Variants in C16orf96 observed in about 807,000 individuals in gnomAD.
C16orf96 encodes chromosome 16 open reading frame 96.
A neutral mutation model predicts 103.6 loss-of-function variants in C16orf96; 108 were observed. The observed-to-expected ratio is 1.04, with a 90% CI of 0.89 to 1.22. The LOEUF (loss-of-function observed/expected upper bound fraction) is 1.22. C16orf96 is among the 50% of genes most tolerant of loss of function. The pLI, the probability that C16orf96 is intolerant of heterozygous loss-of-function variation, is 0.00. For missense variants in C16orf96, 1,586 were observed against 1,464.2 expected (o/e 1.08, Z -1.36); for synonymous variants, 566 against 593.5 (o/e 0.95, Z 0.67).
the C16orf96 span, among the ~76,000 whole-genome samples, chr16:4,543,044 C>G: frequency 9.9e-5 from 15 of 152,176 alleles, no homozygotes; most frequent in Non-Finnish European, 2.1e-4. Flanking sequence ...AGCCCCATCT[C>G]TGTCCTCAAA....
chr16:4,550,784 A>C, the C16orf96 span, among the ~76,000 whole-genome samples: 3 of 152,204 alleles, frequency 2.0e-5, no homozygotes, highest in African/African-American at 7.2e-5. Context: ...CATGGGTGTG[A>C]GTCAGCACAC....
At chr16:4,588,046 G>A (rs1456970165) in intron 8 of C16orf96, 121 bp from the exon 9 acceptor site, 5 of 1,024,756 alleles carry the variant, frequency 4.9e-6, no homozygotes, top group East Asian at 5.3e-5. Flanking sequence ...TTGCATTTAA[G>A]CCAAGGCTAA....
At chr16:4,577,403 G>A (rs376863040) in intron 5 of C16orf96, among the ~76,000 whole-genome samples, 12 of 151,982 alleles carry the variant, frequency 7.9e-5, no homozygotes, top group African/African-American at 9.7e-5. Context: ...GGTGGCTCAC[G>A]CCTATAATCC....
intron 6 of C16orf96, among the ~76,000 whole-genome samples, chr16:4,579,557 A>T (rs1213512901): frequency 0.021 from 31 of 1,508 alleles, no homozygotes; most frequent in Middle Eastern, 0.25. Flanking sequence ...CTGTCTCAAA[A>T]AAAAAAAAAA....
At chr16:4,587,233 C>G in intron 8 of C16orf96, 120 bp downstream of exon 8, 1 of 990,862 alleles carries the variant, frequency 1.0e-6, no homozygotes, top group Non-Finnish European at 1.5e-6. Context: ...CATATTGAAA[C>G]CAGGAGTTGG....
chr16:4,570,965 TC>T (rs1470719330), intron 1 of C16orf96, among the ~76,000 whole-genome samples: 1 of 152,052 alleles, frequency 6.6e-6, no homozygotes, highest in East Asian at 1.9e-4. Context: ...GCTCAGGAAT[TC>T]GAGACCAGCC....
the C16orf96 span, among the ~76,000 whole-genome samples, chr16:4,539,763 G>A: frequency 6.6e-6 from 1 of 152,098 alleles, no homozygotes; most frequent in Non-Finnish European, 1.5e-5. Context: ...CTCCCCAGTT[G>A]ATCCTAGGTA....
In C16orf96 at chr16:4,593,247, C is replaced by A; in HGVS notation, c.2798C>A (p.Ala933Asp). The A allele has an allele frequency of 4.5e-6, 7 of 1,551,122 alleles. No individual in the cohort carries two copies. The highest frequency in any genetic ancestry group is 6.1e-6 in the Non-Finnish European group (7 of 1,146,870). The change falls in exon 12 of 16, where the codon GCC (alanine) becomes GAC (aspartate). Residue 933 changes from alanine to aspartate, a missense_variant. Coordinates refer to ENST00000444310, the MANE Select transcript of C16orf96 (RefSeq NM_001145011.2). This position sits in a 1 kb window ranked among gnomAD's most constrained non-coding sequence, Gnocchi z 4.2. ...TGPQLITIRK[A>D]HLLSRLRPAS... The stretch of plus-strand genomic sequence containing the variant: ...AGACAGCTGATCACCATCCGCAAAG[C>A]CCACCTGCTGTCCCGGCTGCGGCCA...
intron 1 of C16orf96, among the ~76,000 whole-genome samples, chr16:4,567,923 C>T (rs1016465578): frequency 6.6e-6 from 1 of 151,112 alleles, no homozygotes; most frequent in Non-Finnish European, 1.5e-5. Context: ...GTCTCGATCT[C>T]CTGACTTCAT....
At chr16:4,585,522 C>T (rs572441318) in intron 7 of C16orf96, among the ~76,000 whole-genome samples, 8 of 152,144 alleles carry the variant, frequency 5.3e-5, no homozygotes, top group East Asian at 1.9e-4. Flanking sequence ...AGCAAAGAAA[C>T]GAGCCCAAGC....
intron 1 of C16orf96, 95 bp from the exon 2 acceptor site, chr16:4,571,466 T>C: frequency 9.2e-7 from 1 of 1,092,528 alleles, no homozygotes; most frequent in South Asian, 1.5e-5. Context: ...CAAGAGGACC[T>C]CTTGAACAAC....
At position 4,575,530 on chromosome 16, in the gene C16orf96, GGGGCCTGTCCCA is replaced by G; in HGVS notation, c.1056_1067del (p.Val353_Pro356del). On this transcript the variant is annotated inframe_deletion, in exon 5 of 16. Transcript: ENST00000444310. ...TGGAGCTGGAGCCTGTGCCTGCCCT[GGGGCCTGTCCCA>G]GGGCCCAGTGTGACACCTGGGTCCT... 6.5e-7 allele frequency: 1 copy of G among 1,544,766 alleles called. No individual in the cohort carries two copies. Among genetic ancestry groups the G allele is most frequent in the Non-Finnish European group, 8.7e-7 (1 of 1,145,792 alleles).
At chr16:4,562,504 T>G (rs1005329379) in intron 1 of C16orf96, among the ~76,000 whole-genome samples, 8 of 151,360 alleles carry the variant, frequency 5.3e-5, no homozygotes, top group African/African-American at 1.7e-4. Flanking sequence ...AGAGTGCAAG[T>G]TCTTTTATAT....
In C16orf96 at chr16:4,575,527, C is replaced by G. The variant is rs931211566; in HGVS notation, c.1047C>G (p.Ala349=). The change falls in exon 5 of 16, where the codon GCC becomes GCG. Residue 349 remains alanine, a synonymous_variant. Coordinates refer to ENST00000444310, the MANE Select transcript of C16orf96 (RefSeq NM_001145011.2). ...ELGLELEPVP[A]LGPVPGPSVT... ...GGCTGGAGCTGGAGCCTGTGCCTGC[C>G]CTGGGGCCTGTCCCAGGGCCCAGTG... 2 of 1,545,080 alleles carry G rather than the reference C, an allele frequency of 1.3e-6. No homozygotes were observed. The highest frequency in any genetic ancestry group is 4.9e-5 in the East Asian group (2 of 40,922).
chr16:4,550,086 ATTT>A, the C16orf96 span, among the ~76,000 whole-genome samples: 14 of 136,964 alleles, frequency 1.0e-4, no homozygotes, highest in Non-Finnish European at 1.6e-4. Context: ...ACAGTGGGTA[ATTT>A]TTTTTTTTTT....
intron 1 of C16orf96, among the ~76,000 whole-genome samples, chr16:4,564,409 A>G (rs1555504753): frequency 6.6e-6 from 1 of 152,110 alleles, no homozygotes; most frequent in Non-Finnish European, 1.5e-5. Context: ...GATGCTAACA[A>G]CCTATTGTTG....
chr16:4,546,457 CTTTTTT>C, the C16orf96 span, among the ~76,000 whole-genome samples: 7 of 104,550 alleles, frequency 6.7e-5, no homozygotes, highest in Non-Finnish European at 1.3e-4. Context: ...CGCGCCCGGA[CTTTTTT>C]TTTTTTTTTT....
intron 9 of C16orf96, among the ~76,000 whole-genome samples, chr16:4,590,711 C>T (rs985506850): frequency 3.3e-5 from 5 of 151,432 alleles, no homozygotes; most frequent in Non-Finnish European, 5.9e-5. Flanking sequence ...GGTGAAACCC[C>T]GTCTGTACTA....
At chr16:4,559,015 G>A (rs2059299415) in intron 1 of C16orf96, among the ~76,000 whole-genome samples, 1 of 151,872 alleles carries the variant, frequency 6.6e-6, no homozygotes, top group African/African-American at 2.4e-5. Context: ...AGCCTGGAAG[G>A]CAGGTGTTGC....
Sources: allele counts gnomAD v4.1 joint callset (sites outside exome capture counted in the v4.1 genomes callset), GRCh38; gene constraint gnomAD v4.1.1; non-coding constraint Gnocchi (gnomAD v3.1); transcripts MANE v1.5; gene names NCBI Gene and HGNC (gene_info 2026-07-23, HGNC 2026-07-21).